PPFIA2: variants seen among roughly 807,000 people sequenced by gnomAD.
PPFIA2 encodes liprin-alpha-2.
A neutral mutation model predicts 175.5 loss-of-function variants in PPFIA2; 46 were observed. The observed-to-expected ratio is 0.26, with a 90% CI of 0.21 to 0.34. The LOEUF (loss-of-function observed/expected upper bound fraction) is 0.34. Ranked by LOEUF, PPFIA2 falls within the 10% of genes least tolerant of loss-of-function variation. PPFIA2 has a pLI of 1.00. For missense variants in PPFIA2, 1,179 were observed against 1,506.1 expected, an observed-to-expected ratio of 0.78 and a Z score of 3.60; for synonymous variants, 568 against 511.4, an observed-to-expected ratio of 1.11 and a Z score of -1.49.
At chr12:81,427,080 T>C (rs1403625484) in intron 7 of PPFIA2, among the ~76,000 whole-genome samples, 1 of 152,130 alleles carries the variant, frequency 6.6e-6, no homozygotes, top group Non-Finnish European at 1.5e-5. Context: ...ATTTTATGTC[T>C]CTTTCAGTGT....
At chr12:81,642,738 T>TACGTGC (rs1208210070) in intron 4 of PPFIA2, among the ~76,000 whole-genome samples, 2 of 47,626 alleles carry the variant, frequency 4.2e-5, no homozygotes, top group African/African-American at 1.3e-4. Flanking sequence ...CATGTATATG[T>TACGTGC]ATGTATGTAT....
intron 4 of PPFIA2, among the ~76,000 whole-genome samples, chr12:81,521,436 G>C (rs965205694): frequency 6.6e-6 from 1 of 152,106 alleles, no homozygotes; most frequent in Admixed American, 6.5e-5. Flanking sequence ...ATCCACAGTG[G>C]TAAGTACAGT....
At chr12:81,741,653 C>T (rs2082339915) in intron 3 of PPFIA2, among the ~76,000 whole-genome samples, 2 of 146,528 alleles carry the variant, frequency 1.4e-5, no homozygotes, top group African/African-American at 5.1e-5. Flanking sequence ...TTTTTTTTAG[C>T]TCATCAGCTA....
intron 4 of PPFIA2, among the ~76,000 whole-genome samples, chr12:81,622,917 G>A (rs796256074): frequency 6.6e-6 from 1 of 152,070 alleles, no homozygotes; most frequent in South Asian, 2.1e-4. Flanking sequence ...GAAAGTTATA[G>A]TCCAGAAGAA....
rs2053846605 is a variant in PPFIA2, at chr12:81,457,795, A to G, written c.375T>C (p.Ser125=). 1.9e-6 allele frequency: 3 copies of G among 1,610,202 alleles called. No individual in the cohort carries two copies. The highest frequency in any genetic ancestry group is 2.5e-6 in the Non-Finnish European group (3 of 1,178,024). ...EQLLEKEEEI[S]ELKAERNNTR... Reference sequence around the variant, plus strand: ...TGTTGTTTCTTTCAGCTTTAAGTTCAGAGATTTCTTCTTCCTTTTCTAGAA... The same window carrying G: ...TGTTGTTTCTTTCAGCTTTAAGTTCGGAGATTTCTTCTTCCTTTTCTAGAA... Residue 125 remains serine, a synonymous_variant, in exon 5 of 33, where the codon TCT becomes TCC. Coordinates refer to ENST00000549396, the MANE Select transcript of PPFIA2 (RefSeq NM_003625.5).
chr12:81,425,194 T>G (rs2046932418), intron 7 of PPFIA2, among the ~76,000 whole-genome samples: 1 of 152,288 alleles, frequency 6.6e-6, no homozygotes, highest in African/African-American at 2.4e-5. Flanking sequence ...AATGTGGGGA[T>G]CCATCAACTT....
In PPFIA2 at chr12:81,512,424, G is replaced by T; in HGVS notation, c.304-54558C>A. On this transcript the variant is annotated intron_variant, in intron 4 of 32. Coordinates refer to ENST00000549396, the MANE Select transcript of PPFIA2 (RefSeq NM_003625.5). ...GTGATGCTGGACCCAGCCTAAAATG[G>T]AATTTTTCTTTAATCTAAATTCTAA... The T allele has an allele frequency of 2.8e-6, 3 of 1,083,426 alleles. No homozygotes were observed. In the South Asian group the frequency reaches 4.6e-5, roughly 16 times the overall value. 67.1% of individuals were successfully genotyped at this position (1,083,426 alleles called of 1,614,324 possible). A position where few individuals can be genotyped will look rare whatever the true frequency, so the allele number is the denominator to read the frequency against.
chr12:81,503,712 C>T (rs1453217331), intron 4 of PPFIA2, among the ~76,000 whole-genome samples: 1 of 151,910 alleles, frequency 6.6e-6, no homozygotes. Context: ...GAGCACATTG[C>T]TTATTTTTCT....
chr12:81,745,055 T>C (rs186619212), intron 3 of PPFIA2, among the ~76,000 whole-genome samples: 1 of 152,340 alleles, frequency 6.6e-6, no homozygotes, highest in East Asian at 1.9e-4. Context: ...TTATCTCCTC[T>C]GATTCCCTCA....
intron 6 of PPFIA2, among the ~76,000 whole-genome samples, chr12:81,440,813 G>GAT (rs142582712): frequency 0.024 from 3,384 of 142,988 alleles, 49 homozygotes; most frequent in East Asian, 0.062. Context: ...TATATGTCCT[G>GAT]ATATATATAT....
chr12:81,685,261 G>A (rs1376068932), intron 3 of PPFIA2, among the ~76,000 whole-genome samples: 1 of 151,970 alleles, frequency 6.6e-6, no homozygotes, highest in Admixed American at 6.6e-5. Context: ...TTGTTAATGA[G>A]GCATCTTCCT....
intron 2 of PPFIA2, among the ~76,000 whole-genome samples, chr12:81,756,169 TAAGGTTA>T (rs560432430): frequency 7.8e-4 from 119 of 152,268 alleles, no homozygotes; most frequent in African/African-American, 2.7e-3. Flanking sequence ...TTTTGACATT[TAAGGTTA>T]AAACAAAGTA....
intron 4 of PPFIA2, among the ~76,000 whole-genome samples, chr12:81,531,258 T>C (rs1303332404): frequency 6.6e-6 from 1 of 151,920 alleles, no homozygotes; most frequent in Non-Finnish European, 1.5e-5. Flanking sequence ...GTAATTTGTC[T>C]AGAATTCAAT....
chr12:81,662,745 CA>C (rs1331425907), intron 4 of PPFIA2, among the ~76,000 whole-genome samples: 1 of 151,566 alleles, frequency 6.6e-6, no homozygotes, highest in Non-Finnish European at 1.5e-5. Flanking sequence ...AGAGACACAA[CA>C]AAAAAAAGAG....
intron 4 of PPFIA2, among the ~76,000 whole-genome samples, chr12:81,591,234 A>G (rs2058639941): frequency 6.6e-6 from 1 of 152,210 alleles, no homozygotes; most frequent in Non-Finnish European, 1.5e-5. Context: ...GAGATGATTT[A>G]GGATATCTGG....
chr12:81,724,045 T>A (rs2153632368), intron 3 of PPFIA2, among the ~76,000 whole-genome samples: 1 of 150,992 alleles, frequency 6.6e-6, no homozygotes, highest in African/African-American at 2.4e-5. Flanking sequence ...CAGGGAAAGG[T>A]GACTGTTTCA....
chr12:81,266,844 T>C (rs2037410515), intron 30 of PPFIA2, 108 bp downstream of exon 30: 2 of 790,928 alleles, frequency 2.5e-6, no homozygotes, highest in Non-Finnish European at 4.2e-6. Flanking sequence ...ATTCTAACCA[T>C]AGAACAGTCA....
In PPFIA2 at chr12:81,268,030, C is replaced by T; in HGVS notation, c.3368G>A (p.Arg1123Gln). 1 of 1,595,872 alleles carries T rather than the reference C, an allele frequency of 6.3e-7. No homozygotes were observed. Among genetic ancestry groups the T allele is most frequent in the Non-Finnish European group, 8.5e-7 (1 of 1,170,200 alleles). ...VIRWIQAIGL[R>Q]EYANNILESG... The stretch of plus-strand genomic sequence containing the variant: ...CTCAAGTATATTATTTGCATATTCT[C>T]GAAGTCCAATTGCTTGTATCCAGCG... Residue 1123 changes from arginine (R) to glutamine (Q), a missense_variant, in exon 29 of 33, where the codon CGA becomes CAA. Coordinates refer to ENST00000549396, the MANE Select transcript of PPFIA2 (RefSeq NM_003625.5).
chr12:81,529,080 T>A (rs959446647), intron 4 of PPFIA2, among the ~76,000 whole-genome samples: 1 of 152,008 alleles, frequency 6.6e-6, no homozygotes, highest in Non-Finnish European at 1.5e-5. Flanking sequence ...TGTAACTCAT[T>A]AATGCAACTA....
Sources: allele counts gnomAD v4.1 joint callset (sites outside exome capture counted in the v4.1 genomes callset), GRCh38; gene constraint gnomAD v4.1.1; transcripts MANE v1.5; gene names NCBI Gene and HGNC (gene_info 2026-07-23, HGNC 2026-07-21).